The following TEX15 variants were observed in gnomAD, a reference collection of about 807,000 sequenced individuals.
TEX15 encodes the protein testis-expressed protein 15.
Under a neutral mutation model 237.3 loss-of-function variants are expected in TEX15, and 171 were observed. The ratio of observed to expected loss-of-function variants is 0.72; its 90% CI spans 0.64 to 0.82. The LOEUF is 0.82. TEX15 is among the 40% of genes least tolerant of loss of function. The pLI, the probability that TEX15 is intolerant of heterozygous loss-of-function variation, is 0.00. For synonymous variants in TEX15, 1,338 were observed against 1,269.8 expected (o/e 1.05, Z -1.14); for missense variants, 3,750 against 3,646.5 (o/e 1.03, Z -0.73).
In TEX15 at chr8:30,837,098, T is replaced by C. The variant is rs1008958281; in HGVS notation, c.9186A>G (p.Gln3062=). The C allele has an allele frequency of 3.7e-6, 6 of 1,614,178 alleles. No individual in the cohort carries two copies. In the Admixed American group the frequency reaches 8.3e-5, roughly 22 times the overall value. The change falls in exon 10 of 11, where the codon CAA becomes CAG. Residue 3062 remains glutamine (Q), a synonymous_variant. Coordinates refer to ENST00000643185, the MANE Select transcript of TEX15 (RefSeq NM_001350162.2). ...SNGNAITQTY[Q]GITSYEVQPS... ...GCTGTACTTCATATGATGTTATCCC[T>C]TGGTATGTCTGGGTAATGGCATTGC...
At position 30,849,041 on chromosome 8, in the gene TEX15, C is replaced by A. The variant is rs376678961; in HGVS notation, c.1126G>T (p.Ala376Ser). Residue 376 changes from alanine to serine, a missense_variant, in exon 8 of 11, where the codon GCA (alanine) becomes TCA (serine). By Grantham distance (99) the Ala-to-Ser change is moderately conservative. Transcript: ENST00000643185. Reference sequence around the variant, plus strand: ...ATAAGTGAAATGTCTGAATCATGTGCAAGTACTTGAGAAGTGTCTCTAATT... The same window carrying A: ...ATAAGTGAAATGTCTGAATCATGTGAAAGTACTTGAGAAGTGTCTCTAATT... ...AEIRDTSQVL[A>S]HDSDISLMPS... 1.5e-4 allele frequency: 236 copies of A among 1,614,034 alleles called. No homozygotes were observed. The highest frequency in any genetic ancestry group is 1.9e-4 in the Non-Finnish European group (220 of 1,180,036).
At chr8:30,863,856 G>A (rs533520929) in intron 5 of TEX15, among the ~76,000 whole-genome samples, 1 of 152,086 alleles carries the variant, frequency 6.6e-6, no homozygotes, top group African/African-American at 2.4e-5. Context: ...ACCCTGGGAG[G>A]AGATGATTTC....
intron 9 of TEX15, among the ~76,000 whole-genome samples, 162 bp from the exon 10 acceptor site, chr8:30,838,223 C>G (rs1807356242): frequency 6.6e-6 from 1 of 152,146 alleles, no homozygotes; most frequent in South Asian, 2.1e-4. Flanking sequence ...CCTAGTTTGA[C>G]TGCCGTGGTT....
chr8:30,836,902 G>C lies in TEX15; in HGVS notation c.9382C>G (p.Pro3128Ala), dbSNP rs1807313017. ...TGAGAAGCATATTGTGAAAAAATTG[G>C]CTGCCGAAAATTAGAAGCAGGTATT... ...SQIPASNFRQPIFSQYASHQP... is the reference protein window; with the variant it reads ...SQIPASNFRQAIFSQYASHQP... Residue 3128 changes from proline to alanine, a missense_variant, in exon 10 of 11, where the codon CCA (proline) becomes GCA (alanine). By Grantham distance (27) the Pro-to-Ala change is conservative. Transcript: ENST00000643185. 1 of 1,614,022 alleles carries C rather than the reference G, an allele frequency of 6.2e-7. No individual in the cohort carries two copies.
intron 4 of TEX15, among the ~76,000 whole-genome samples, chr8:30,874,083 T>C (rs1014433417): frequency 5.9e-5 from 9 of 152,184 alleles, no homozygotes; most frequent in African/African-American, 1.9e-4. Context: ...CAGTCCTTTT[T>C]ACCTACAAAA....
chr8:30,844,990 G>A lies in TEX15; in HGVS notation c.5177C>T (p.Thr1726Ile). 6.2e-7 allele frequency: 1 copy of A among 1,613,554 alleles called. No individual in the cohort carries two copies. Among genetic ancestry groups the A allele is most frequent in the Middle Eastern group, 1.6e-4 (1 of 6,062 alleles). Residue 1726 changes from threonine (T) to isoleucine (I), a missense_variant, in exon 8 of 11, where the codon ACA becomes ATA. Physicochemically the swap from Thr to Ile is moderately conservative, Grantham distance 89. Coordinates refer to ENST00000643185, the MANE Select transcript of TEX15 (RefSeq NM_001350162.2). ...SIPQLSAAAV[T>I]DSEGESSKSY... ...TTTTGAAGATTCTCCCTCACTATCT[G>A]TCACTGCAGCGGCTGATAACTGAGG...
chr8:30,859,990 GA>G lies in TEX15; in HGVS notation c.607del (p.Ser203LeufsTer15). On this transcript the variant is annotated frameshift_variant, in exon 6 of 11. Coordinates refer to ENST00000643185, the MANE Select transcript of TEX15 (RefSeq NM_001350162.2). LOFTEE classifies it high-confidence loss of function. The part of the protein sequence containing the change: ...VDKNKVSLDP[S>X]PNFDCHMSRN... Reference sequence around the variant, plus strand: ...TGACATATGGCAATCAAAGTTAGGAGAAGGATCCAAAGAAACTTTATTTTTA... The same window carrying G: ...TGACATATGGCAATCAAAGTTAGGAGAGGATCCAAAGAAACTTTATTTTTA... The G allele has an allele frequency of 6.6e-7, 1 of 1,515,358 alleles. No individual in the cohort carries two copies. The highest frequency in any genetic ancestry group is 1.7e-4 in the Middle Eastern group (1 of 5,912). 93.9% of individuals were successfully genotyped at this position (1,515,358 alleles called of 1,614,324 possible).
At chr8:30,863,978 T>C (rs1208084315) in intron 5 of TEX15, among the ~76,000 whole-genome samples, 3 of 151,744 alleles carry the variant, frequency 2.0e-5, no homozygotes, top group African/African-American at 7.3e-5. Flanking sequence ...AAACAGAAAT[T>C]GTCCCTGAAA....
intron 8 of TEX15, among the ~76,000 whole-genome samples, chr8:30,841,080 G>C (rs1807442474): frequency 6.6e-6 from 1 of 152,064 alleles, no homozygotes; most frequent in Admixed American, 6.6e-5. Flanking sequence ...ACCATGTCTG[G>C]CTAATTTTTT....
intron 1 of TEX15, among the ~76,000 whole-genome samples, chr8:30,912,480 G>A (rs1267916127): frequency 6.6e-6 from 1 of 152,210 alleles, no homozygotes; most frequent in Non-Finnish European, 1.5e-5. Flanking sequence ...CCACCACCAA[G>A]TTGTGGCGCT....
At chr8:30,867,810 CT>C (rs1808205217) in intron 4 of TEX15, among the ~76,000 whole-genome samples, 2 of 152,212 alleles carry the variant, frequency 1.3e-5, no homozygotes, top group South Asian at 4.1e-4. Context: ...TCATTCTCAA[CT>C]TCCCAAGAAG....
intron 7 of TEX15, among the ~76,000 whole-genome samples, chr8:30,850,653 T>C (rs1585287735): frequency 6.6e-6 from 1 of 152,210 alleles, no homozygotes; most frequent in Non-Finnish European, 1.5e-5. Flanking sequence ...AATGGAAATG[T>C]AGATTCCTAC....
At chr8:30,875,809 ATTTTTTT>A (rs879785043) in intron 3 of TEX15, among the ~76,000 whole-genome samples, 4 of 142,776 alleles carry the variant, frequency 2.8e-5, no homozygotes, top group Non-Finnish European at 6.2e-5. Flanking sequence ...CATCTGGTCA[ATTTTTTT>A]TTTTTTTTCC....
intron 5 of TEX15, among the ~76,000 whole-genome samples, chr8:30,861,652 T>C (rs1808053103): frequency 6.6e-6 from 1 of 152,166 alleles, no homozygotes. Flanking sequence ...CAGAAGAAGC[T>C]GGGTGCATTA....
intron 8 of TEX15, among the ~76,000 whole-genome samples, chr8:30,841,681 T>C (rs553556622): frequency 8.5e-5 from 13 of 152,144 alleles, no homozygotes; most frequent in African/African-American, 2.7e-4. Flanking sequence ...TCAATAAATA[T>C]TGGTCTCTCA....
Position 30,844,554 on chromosome 8 carries a change from C to T in TEX15, c.5613G>A (p.Glu1871=), listed in dbSNP as rs529014704. The T allele has an allele frequency of 6.2e-7, 1 of 1,612,262 alleles. No individual in the cohort carries two copies. The highest frequency in any genetic ancestry group is 8.5e-7 in the Non-Finnish European group (1 of 1,179,378). The change falls in exon 8 of 11, where the codon GAG becomes GAA. Residue 1871 remains glutamate, a synonymous_variant. Coordinates refer to ENST00000643185, the MANE Select transcript of TEX15 (RefSeq NM_001350162.2). The part of the protein sequence containing the change: ...SMTEGSTVNT[E]YKNQKNQISE... ...AGATCTGATTCTTTTGATTTTTGTA[C>T]TCAGTATTAACAGTTGATCCTTCAG...
chr8:30,836,784 A>C lies in TEX15; in HGVS notation c.9481+19T>G. 1 of 1,563,924 alleles carries C rather than the reference A, an allele frequency of 6.4e-7. No homozygotes were observed. The highest frequency in any genetic ancestry group is 1.2e-5 in the South Asian group (1 of 81,750). The stretch of plus-strand genomic sequence containing the variant: ...AAAGTAACAACTCAATAAAGCAGGC[A>C]TTAAAATGTGAAACTCACCATAAAC... On this transcript the variant is annotated intron_variant, in intron 10 of 10. Transcript: ENST00000643185.
chr8:30,836,757 T>C, intron 10 of TEX15, 46 bp downstream of exon 10: 1 of 1,483,470 alleles, frequency 6.7e-7, no homozygotes, highest in Non-Finnish European at 9.1e-7. Flanking sequence ...TGGACACAGT[T>C]AAAAGTAACA....
chr8:30,849,911 C>A (rs766434044), intron 7 of TEX15, among the ~76,000 whole-genome samples: 11 of 151,842 alleles, frequency 7.2e-5, no homozygotes, highest in Non-Finnish European at 1.0e-4. Context: ...GGGCTGGGGG[C>A]AGAGGTGGGG....
Sources: allele counts gnomAD v4.1 joint callset (sites outside exome capture counted in the v4.1 genomes callset), GRCh38; gene constraint gnomAD v4.1.1; transcripts MANE v1.5; gene names NCBI Gene and HGNC (gene_info 2026-07-23, HGNC 2026-07-21).